Variants in RYR3 observed in about 807,000 individuals in gnomAD.
The protein encoded by RYR3 is brain ryanodine receptor-calcium release channel.
A neutral mutation model predicts 584.3 loss-of-function variants in RYR3; 207 were observed. The ratio of observed to expected loss-of-function variants is 0.35; its 90% CI spans 0.32 to 0.40. RYR3 has a LOEUF of 0.40. Ranked by LOEUF, RYR3 falls within the 10% of genes least tolerant of loss-of-function variation. The pLI is 1.00. For synonymous variants in RYR3, 2,416 were observed against 2,248.5 expected, an observed-to-expected ratio of 1.07 and a Z score of -2.11; for missense variants, 5,616 against 6,089.2, an observed-to-expected ratio of 0.92 and a Z score of 2.59.
At chr15:33,855,041 C>G in intron 98 of RYR3, 129 bp downstream of exon 98, 1 of 942,872 alleles carries the variant, frequency 1.1e-6, no homozygotes, top group East Asian at 3.2e-5. Context: ...CTTGGCCAAA[C>G]ACTTCAACTA....
chr15:33,401,932 A>T (rs1567168590), intron 1 of RYR3, among the ~76,000 whole-genome samples: 3 of 152,194 alleles, frequency 2.0e-5, no homozygotes, highest in Non-Finnish European at 4.4e-5. Context: ...ATTTGAGTAC[A>T]TATTAATTTC....
chr15:33,597,892 A>G (rs2059452820), intron 16 of RYR3, among the ~76,000 whole-genome samples: 3 of 150,498 alleles, frequency 2.0e-5, no homozygotes, highest in African/African-American at 7.4e-5. Flanking sequence ...ATAGATTTAT[A>G]AAGACTCCTC....
At chr15:33,374,719 A>T (rs573453008) in intron 1 of RYR3, among the ~76,000 whole-genome samples, 12 of 152,324 alleles carry the variant, frequency 7.9e-5, no homozygotes, top group Admixed American at 5.2e-4. Flanking sequence ...TTGAGAGCAG[A>T]TGAATTACAT....
intron 31 of RYR3, 29 bp downstream of exon 31, chr15:33,649,264 G>A (rs776547210): frequency 3.8e-6 from 6 of 1,598,372 alleles, no homozygotes; most frequent in Non-Finnish European, 3.4e-6. Context: ...GGCAGGGTTA[G>A]CCATCGGGCT....
chr15:33,622,822 C>T (rs1047727293), intron 19 of RYR3, among the ~76,000 whole-genome samples: 1 of 152,162 alleles, frequency 6.6e-6, no homozygotes, highest in Non-Finnish European at 1.5e-5. Flanking sequence ...CTTGTGAAAG[C>T]TCTATTTCTG....
intron 3 of RYR3, among the ~76,000 whole-genome samples, chr15:33,523,449 A>ACC (rs2054160410): frequency 6.6e-6 from 1 of 152,000 alleles, no homozygotes; most frequent in Admixed American, 6.5e-5. Context: ...AACTCTGGAC[A>ACC]CCCCACCTTC....
chr15:33,747,344 C>T (rs374802988), intron 53 of RYR3, among the ~76,000 whole-genome samples: 2 of 145,394 alleles, frequency 1.4e-5, no homozygotes, highest in Non-Finnish European at 3.0e-5. Context: ...TGTTGACTAC[C>T]TATTAAATTG....
intron 38 of RYR3, among the ~76,000 whole-genome samples, chr15:33,692,082 G>A (rs561851901): frequency 1.3e-5 from 2 of 152,206 alleles, no homozygotes; most frequent in Non-Finnish European, 2.9e-5. Flanking sequence ...TAAACCTGCA[G>A]TATGTGCCAT....
Position 33,629,948 on chromosome 15 carries a change from T to A in RYR3, c.2688T>A (p.Asp896Glu). 6.3e-7 allele frequency: 1 copy of A among 1,589,364 alleles called. No homozygotes were observed. The highest frequency in any genetic ancestry group is 1.3e-5 in the African/African-American group (1 of 74,232). ...CTTATGTCACCACCTAGATACGAGA[T>A]GACAATAAAAGACAACACCCTTGCC... ...ELGWTFGKIR[D>E]DNKRQHPCLV... Residue 896 changes from aspartate to glutamate, a missense_variant, in exon 22 of 104, where the codon GAT becomes GAA. Transcript: ENST00000634891.
chr15:33,721,403 A>C (rs555742291), intron 43 of RYR3, among the ~76,000 whole-genome samples: 1 of 152,332 alleles, frequency 6.6e-6, no homozygotes, highest in Admixed American at 6.5e-5. Context: ...CGATACAAAT[A>C]CTGCAAGATA....
At chr15:33,742,667 A>G (rs1332318693) in intron 52 of RYR3, among the ~76,000 whole-genome samples, 2 of 152,184 alleles carry the variant, frequency 1.3e-5, no homozygotes, top group African/African-American at 4.8e-5. Flanking sequence ...GAAAATGATC[A>G]ATTCTGGAAG....
rs899385479 is a variant in RYR3 at position 33,613,497 on chromosome 15, C to G, written c.2357+122C>G. The G allele has an allele frequency of 3.2e-5, 33 of 1,026,460 alleles. No homozygotes were observed. The African/African-American group carries it at 5.3e-4, about 17-fold the overall frequency. The allele number at this position is 1,026,460 out of a possible 1,614,324, so 63.6% of individuals were successfully genotyped here. On this transcript the variant is annotated intron_variant, in intron 19 of 103. Transcript: ENST00000634891. ...GTACTGTGAACTAAGTTCCCCAGGACAGTGATGGTGCAAGGGCAAGAGCCA... is the reference window on the plus strand; with the variant it reads ...GTACTGTGAACTAAGTTCCCCAGGAGAGTGATGGTGCAAGGGCAAGAGCCA...
chr15:33,618,904 T>C (rs1264622718), intron 19 of RYR3, among the ~76,000 whole-genome samples: 2 of 152,166 alleles, frequency 1.3e-5, no homozygotes, highest in Admixed American at 6.5e-5. Context: ...GGTAGACCCA[T>C]CTCTCCTGCA....
rs149478336 is a variant in RYR3, at chr15:33,492,206, T to C, written c.172-11425T>C. ...TTGCAGTGGGGATGTATAGTACAAA[T>C]CCTTGCAGATGTAAACATCTAGTGG... On this transcript the variant is annotated intron_variant, in intron 2 of 103. Transcript: ENST00000634891. Among the ~76,000 whole-genome samples the C allele has an allele frequency of 6.8e-4, 103 of 152,260 alleles. 1 individual carries two copies. In the South Asian group the frequency reaches 0.014, roughly 21 times the overall value.
chr15:33,678,902 A>G (rs1227342059), intron 38 of RYR3, among the ~76,000 whole-genome samples: 1 of 152,184 alleles, frequency 6.6e-6, no homozygotes, highest in Admixed American at 6.5e-5. Context: ...GAGTAATCAC[A>G]ACATCCTTGT....
At chr15:33,692,469 T>A (rs112346451) in intron 38 of RYR3, among the ~76,000 whole-genome samples, 70 of 152,250 alleles carry the variant, frequency 4.6e-4, no homozygotes, top group Non-Finnish European at 6.2e-4. Flanking sequence ...ATAGTTATTG[T>A]TTCTCTCACT....
intron 43 of RYR3, among the ~76,000 whole-genome samples, chr15:33,717,482 T>C (rs950958416): frequency 1.3e-5 from 2 of 152,198 alleles, no homozygotes. Context: ...CCAAGTTCTG[T>C]TGATTCAGCA....
chr15:33,776,179 T>G (rs953111489), intron 64 of RYR3, among the ~76,000 whole-genome samples: 1 of 152,168 alleles, frequency 6.6e-6, no homozygotes, highest in Non-Finnish European at 1.5e-5. Flanking sequence ...TAGATAGAAA[T>G]GATTCAAGAC....
At chr15:33,842,835 C>T (rs555122585) in intron 91 of RYR3, among the ~76,000 whole-genome samples, 5 of 152,296 alleles carry the variant, frequency 3.3e-5, no homozygotes, top group Admixed American at 1.3e-4. Flanking sequence ...GGAGTGATCA[C>T]GAAAATGCAG....
Sources: allele counts gnomAD v4.1 joint callset (sites outside exome capture counted in the v4.1 genomes callset), GRCh38; gene constraint gnomAD v4.1.1; transcripts MANE v1.5; gene names NCBI Gene and HGNC (gene_info 2026-07-23, HGNC 2026-07-21).